ROS1: variants seen among roughly 807,000 people sequenced by gnomAD.
ROS1 encodes proto-oncogene tyrosine-protein kinase ROS.
ROS1 carries 263 observed loss-of-function variants against 273.5 expected under a neutral mutation model. The ratio of observed to expected loss-of-function variants is 0.96; its 90% CI spans 0.87 to 1.06. The LOEUF (loss-of-function observed/expected upper bound fraction) is 1.06. Among genes scored for constraint, ROS1 ranks in the 50% least tolerant of loss-of-function variants. The pLI is 0.00. For synonymous variants in ROS1, 1,008 were observed against 954.1 expected (o/e 1.06, Z -1.04); for missense variants, 2,833 against 2,751.1 (o/e 1.03, Z -0.67).
At chr6:117,357,036 G>T in intron 25 of ROS1, 121 bp from the exon 26 acceptor site, 2 of 820,612 alleles carry the variant, frequency 2.4e-6, no homozygotes, top group Non-Finnish European at 3.8e-6. Flanking sequence ...CCTTTGGAGA[G>T]AACATGGTCA....
intron 9 of ROS1, 87 bp downstream of exon 9, chr6:117,396,101 C>T: frequency 1.1e-6 from 1 of 895,098 alleles, no homozygotes; most frequent in Non-Finnish European, 1.8e-6. Context: ...GTCTTGAGGT[C>T]TACCAGGTGA....
chr6:117,334,273 G>A (rs1311846266), intron 32 of ROS1, among the ~76,000 whole-genome samples: 2 of 152,124 alleles, frequency 1.3e-5, no homozygotes, highest in African/African-American at 2.4e-5. Flanking sequence ...AAATACCTAC[G>A]AATACAGCTA....
Position 117,366,380 on chromosome 6 carries a change from G to A in ROS1, c.2583-90C>T, listed in dbSNP as rs2128663015. On this transcript the variant is annotated intron_variant, in intron 18 of 43. Transcript: ENST00000368507. The stretch of plus-strand genomic sequence containing the variant: ...TAGTCATGAGAATATATGTTTGTGA[G>A]TATCTGTACGCATTTGTGTACATTA... 3.6e-6 allele frequency: 3 copies of A among 839,166 alleles called. No homozygotes were observed. In the East Asian group the frequency reaches 7.3e-5, roughly 20 times the overall value. 52.0% of individuals were successfully genotyped at this position (839,166 alleles called of 1,614,324 possible).
intron 34 of ROS1, among the ~76,000 whole-genome samples, chr6:117,325,192 T>A (rs1776547089): frequency 2.0e-5 from 3 of 152,164 alleles, no homozygotes; most frequent in South Asian, 2.1e-4. Flanking sequence ...TGTGAGTGTA[T>A]AAAATGCAAT....
intron 43 of ROS1, among the ~76,000 whole-genome samples, chr6:117,300,104 T>G (rs1165945600): frequency 0.011 from 1,519 of 141,224 alleles, 47 homozygotes; most frequent in African/African-American, 0.038. Flanking sequence ...TTTTTTTTTT[T>G]TTTTTTTTTG....
intron 16 of ROS1, among the ~76,000 whole-genome samples, chr6:117,384,959 C>A (rs1379617203): frequency 6.6e-6 from 1 of 152,224 alleles, no homozygotes; most frequent in Non-Finnish European, 1.5e-5. Context: ...CTACAGCCCT[C>A]ACCAGGTTCT....
At position 117,383,317 on chromosome 6, in the gene ROS1, C is replaced by A. The variant is rs981224591; in HGVS notation, c.2481G>T (p.Lys827Asn). The stretch of plus-strand genomic sequence containing the variant: ...ATGATCAGATCTTTTAATTTGTCAC[C>A]TTTTTCCCAGAAAACCAAGGCTGTG... ...LQTQPWFSGK[K>N]VIALTLDLSD... The change falls in exon 17 of 44, where the codon AAG (lysine) becomes AAT (asparagine). Residue 827 changes from lysine to asparagine, a missense_variant and splice_region_variant. Transcript: ENST00000368507. 2 of 1,610,104 alleles carry A rather than the reference C, an allele frequency of 1.2e-6. No individual in the cohort carries two copies. Among genetic ancestry groups the A allele is most frequent in the Non-Finnish European group, 1.7e-6 (2 of 1,176,846 alleles).
chr6:117,310,488 C>T (rs1489759992), intron 40 of ROS1, among the ~76,000 whole-genome samples: 3 of 151,692 alleles, frequency 2.0e-5, no homozygotes, highest in Non-Finnish European at 4.4e-5. Context: ...AACCTGTCAT[C>T]TAGATTTTAA....
chr6:117,355,116 G>C (rs2128641138), intron 26 of ROS1, among the ~76,000 whole-genome samples: 1 of 152,270 alleles, frequency 6.6e-6, no homozygotes, highest in African/African-American at 2.4e-5. Flanking sequence ...TGACTTTGTA[G>C]GATTCTTGCT....
chr6:117,339,629 T>C (rs1777763908), intron 31 of ROS1, among the ~76,000 whole-genome samples: 3 of 152,288 alleles, frequency 2.0e-5, no homozygotes, highest in African/African-American at 7.2e-5. Flanking sequence ...TCATAGTTAG[T>C]ATTTGTAGAT....
chr6:117,314,550 T>C (rs867061170), intron 39 of ROS1, among the ~76,000 whole-genome samples: 1 of 152,124 alleles, frequency 6.6e-6, no homozygotes, highest in Non-Finnish European at 1.5e-5. Context: ...CTTTTGTCTA[T>C]AGAAAACAAA....
At chr6:117,373,201 C>T (rs1345915155) in intron 18 of ROS1, among the ~76,000 whole-genome samples, 2 of 152,264 alleles carry the variant, frequency 1.3e-5, no homozygotes, top group African/African-American at 4.8e-5. Context: ...AAGTCTCCAC[C>T]TGACTCAGGA....
At chr6:117,294,179 T>G (rs188334118) in intron 43 of ROS1, among the ~76,000 whole-genome samples, 2 of 152,262 alleles carry the variant, frequency 1.3e-5, no homozygotes, top group Admixed American at 6.5e-5. Flanking sequence ...AGGTTATATA[T>G]GACAAATCCA....
At chr6:117,389,218 C>T in intron 13 of ROS1, 132 bp downstream of exon 13, 3 of 1,025,174 alleles carry the variant, frequency 2.9e-6, no homozygotes, top group Non-Finnish European at 4.3e-6. Flanking sequence ...TTTTTTTTAG[C>T]TAAGTAGCTG....
intron 31 of ROS1, among the ~76,000 whole-genome samples, chr6:117,340,236 T>G (rs1171344416): frequency 2.0e-5 from 3 of 152,168 alleles, no homozygotes; most frequent in Non-Finnish European, 2.9e-5. Context: ...TTTGAGTTTA[T>G]CAACTCAATA....
intron 36 of ROS1, among the ~76,000 whole-genome samples, chr6:117,320,555 G>A (rs1776224321): frequency 6.6e-6 from 1 of 152,132 alleles, no homozygotes; most frequent in Non-Finnish European, 1.5e-5. Context: ...GGAAAATGCT[G>A]CTATGTTAAA....
chr6:117,425,783 T>C lies in ROS1; in HGVS notation c.-127A>G. 1 of 964,078 alleles carries C rather than the reference T, an allele frequency of 1.0e-6. No individual in the cohort carries two copies. Among genetic ancestry groups the C allele is most frequent in the Non-Finnish European group, 1.6e-6 (1 of 632,260 alleles). 59.7% of individuals were successfully genotyped at this position (964,078 alleles called of 1,614,324 possible). A position where few individuals can be genotyped will look rare whatever the true frequency, so the allele number is the denominator to read the frequency against. ...GGATTTTGCTTTGTTTGTTTTGCTA[T>C]ATTAGGATATACTTGCCTTTTGAAA... On this transcript the variant is annotated 5_prime_UTR_variant, in exon 1 of 44. The change creates a new upstream start codon in the 5' untranslated region. Transcript: ENST00000368507.
At chr6:117,341,722 T>C in intron 29 of ROS1, 90 bp from the exon 30 acceptor site, 1 of 908,538 alleles carries the variant, frequency 1.1e-6, no homozygotes, top group South Asian at 1.5e-5. Context: ...AGAGTAATCA[T>C]GTGGTATGAG....
chr6:117,409,291 T>G (rs891964438), intron 5 of ROS1, among the ~76,000 whole-genome samples: 16 of 152,158 alleles, frequency 1.1e-4, no homozygotes, highest in Non-Finnish European at 1.0e-4. Flanking sequence ...GATGTACATT[T>G]GTCTGTCATT....
Sources: allele counts gnomAD v4.1 joint callset (sites outside exome capture counted in the v4.1 genomes callset), GRCh38; gene constraint gnomAD v4.1.1; transcripts MANE v1.5; gene names NCBI Gene and HGNC (gene_info 2026-07-23, HGNC 2026-07-21).